The following NAALAD2 variants were observed in gnomAD, a reference collection of about 807,000 sequenced individuals.
NAALAD2 encodes N-acetylated alpha-linked acidic dipeptidase 2, also known as N-acetylated-alpha-linked acidic dipeptidase 2.
In NAALAD2, 89 loss-of-function variants were observed where a neutral mutation model predicts 95.6. The observed-to-expected ratio is 0.93, with a 90% confidence interval of 0.78 to 1.11. The LOEUF (loss-of-function observed/expected upper bound fraction) is 1.11, where lower values mean the gene tolerates loss of function less well. NAALAD2 is among the 50% of genes least tolerant of loss of function. The pLI, the probability that NAALAD2 is intolerant of heterozygous loss-of-function variation, is 0.00. For synonymous variants in NAALAD2, 264 were observed against 294.4 expected, an observed-to-expected ratio of 0.90 and a Z score of 1.06; for missense variants, 894 against 872.4, an observed-to-expected ratio of 1.02 and a Z score of -0.31.
chr11:90,186,378 A>C (rs1591031876), intron 18 of NAALAD2, among the ~76,000 whole-genome samples: 1 of 152,128 alleles, frequency 6.6e-6, no homozygotes, highest in African/African-American at 2.4e-5. Context: ...TTATGGCTGC[A>C]TAGTATTCCA....
At position 90,183,873 on chromosome 11, in the gene NAALAD2, T is replaced by C. The variant is rs577454744; in HGVS notation, c.2033+865T>C. ...ATATTTTCAGTTTATGATGGTTTTA[T>C]CAGAAAACAACTCATCTTTAAGTCA... On this transcript the variant is annotated intron_variant, in intron 18 of 18. Coordinates refer to ENST00000534061, the MANE Select transcript of NAALAD2 (RefSeq NM_005467.4). Among the ~76,000 whole-genome samples the C allele has an allele frequency of 1.9e-4, 29 of 152,290 alleles. No homozygotes were observed. In the South Asian group the frequency reaches 5.8e-3, roughly 30 times the overall value.
intron 13 of NAALAD2, among the ~76,000 whole-genome samples, chr11:90,171,469 A>C (rs1952633204): frequency 6.6e-6 from 1 of 152,204 alleles, no homozygotes; most frequent in Non-Finnish European, 1.5e-5. Flanking sequence ...CTGAAAAGAA[A>C]ATCTTTACTG....
Position 90,177,870 on chromosome 11 carries a change from CA to C in NAALAD2, c.1612del (p.Ser538AlafsTer15), listed in dbSNP as rs1565544399. On this transcript the variant is annotated frameshift_variant, in exon 16 of 19. Transcript: ENST00000534061. LOFTEE classifies it high-confidence loss of function. Reference protein sequence around the residue: ...TKNKKTDKYSSYPVYHTIYET... With the variant: ...TKNKKTDKYSXYPVYHTIYET... ...TTTTTCAGAAAACAGATAAGTACAG[CA>C]GCTACCCAGTGTACCACACAATTTA... 3.1e-6 allele frequency: 5 copies of C among 1,613,034 alleles called. No homozygotes were observed. Among genetic ancestry groups the C allele is most frequent in the Non-Finnish European group, 4.2e-6 (5 of 1,179,650 alleles).
chr11:90,163,702 T>G, intron 11 of NAALAD2, 85 bp downstream of exon 11: 2 of 1,184,160 alleles, frequency 1.7e-6, no homozygotes, highest in Non-Finnish European at 2.5e-6. Flanking sequence ...CAAAAATATA[T>G]TCCATTACCT....
At chr11:90,141,594 T>TTCTGTTTG (rs111312947) in intron 2 of NAALAD2, among the ~76,000 whole-genome samples, 3,159 of 151,208 alleles carry the variant, frequency 0.021, 101 homozygotes, top group African/African-American at 0.071. Context: ...TCTAAGAAGG[T>TTCTGTTTG]TTTGTTTGTT....
At chr11:90,136,873 C>T (rs528525912) in intron 2 of NAALAD2, among the ~76,000 whole-genome samples, 3 of 152,138 alleles carry the variant, frequency 2.0e-5, no homozygotes, top group Admixed American at 2.0e-4. Flanking sequence ...GCATTTCTAC[C>T]TCAAAATAAG....
In NAALAD2 at chr11:90,134,817, C is replaced by T; in HGVS notation, c.59C>T (p.Ser20Phe). 1 of 1,614,204 alleles carries T rather than the reference C, an allele frequency of 6.2e-7. No individual in the cohort carries two copies. Among genetic ancestry groups the T allele is most frequent in the Non-Finnish European group, 8.5e-7 (1 of 1,180,036 alleles). ...LWMCLAAALA[S>F]FLMGFMVGWF... ...ATGTGCTTGGCTGCTGCGCTGGCAT[C>T]TTTCCTGATGGGATTTATGGTGGGT... The change falls in exon 1 of 19, where the codon TCT becomes TTT. Residue 20 changes from serine to phenylalanine, a missense_variant. Physicochemically the swap from Ser to Phe is radical, Grantham distance 155 (BLOSUM62 -2). Coordinates refer to ENST00000534061, the MANE Select transcript of NAALAD2 (RefSeq NM_005467.4).
At chr11:90,182,822 AAT>A in intron 17 of NAALAD2, 92 bp from the exon 18 acceptor site, 1 of 842,932 alleles carries the variant, frequency 1.2e-6, no homozygotes, top group Non-Finnish European at 1.9e-6. Context: ...CAATTTTAGA[AAT>A]ATATTTTCCC....
intron 16 of NAALAD2, among the ~76,000 whole-genome samples, chr11:90,179,619 T>C (rs568241580): frequency 6.6e-6 from 1 of 152,138 alleles, no homozygotes; most frequent in Non-Finnish European, 1.5e-5. Flanking sequence ...TAAGGAGAGA[T>C]AAAACCAGAG....
chr11:90,147,414 T>C lies in NAALAD2; in HGVS notation c.279T>C (p.Phe93=), dbSNP rs2134854943. ...AAATCCAAACCCAGTGGAAGAAATT[T>C]GGACTAGATTCAGCCAAGTTGGTTC... ...AKKIQTQWKK[F]GLDSAKLVHY... Residue 93 remains phenylalanine, a synonymous_variant, in exon 3 of 19, where the codon TTT becomes TTC. Transcript: ENST00000534061. 10 of 1,614,094 alleles carry C rather than the reference T, an allele frequency of 6.2e-6. No individual in the cohort carries two copies. The highest frequency in any genetic ancestry group is 7.6e-6 in the Non-Finnish European group (9 of 1,179,974).
At chr11:90,135,702 A>G in intron 2 of NAALAD2, 32 bp downstream of exon 2, 1 of 1,557,196 alleles carries the variant, frequency 6.4e-7, no homozygotes, top group Non-Finnish European at 8.8e-7. Flanking sequence ...GATCTTAAAA[A>G]TCATGTTTAA....
At chr11:90,178,757 A>G (rs902678658) in intron 16 of NAALAD2, among the ~76,000 whole-genome samples, 2 of 152,210 alleles carry the variant, frequency 1.3e-5, no homozygotes, top group Non-Finnish European at 1.5e-5. Flanking sequence ...CACAAATACT[A>G]TTACATACGT....
At chr11:90,179,924 A>G (rs1196624766) in intron 16 of NAALAD2, among the ~76,000 whole-genome samples, 1 of 152,080 alleles carries the variant, frequency 6.6e-6, no homozygotes, top group Non-Finnish European at 1.5e-5. Context: ...CATTAGATTA[A>G]TTATTCTTAT....
chr11:90,183,040 T>C, intron 18 of NAALAD2, 32 bp downstream of exon 18: 1 of 1,530,192 alleles, frequency 6.5e-7, no homozygotes, highest in Admixed American at 1.7e-5. Flanking sequence ...AATACATCAC[T>C]GTGACCAAAA....
chr11:90,175,445 ATATG>A (rs1405875050), intron 14 of NAALAD2, among the ~76,000 whole-genome samples: 1 of 152,236 alleles, frequency 6.6e-6, no homozygotes, highest in African/African-American at 2.4e-5. Flanking sequence ...ATATGCATAT[ATATG>A]TGATAGATCA....
At chr11:90,154,638 C>G (rs937181826) in intron 6 of NAALAD2, among the ~76,000 whole-genome samples, 2 of 151,336 alleles carry the variant, frequency 1.3e-5, no homozygotes, top group African/African-American at 4.8e-5. Flanking sequence ...ATGCTGGCCT[C>G]TTAGCATGAG....
chr11:90,140,877 ATT>A (rs931424432), intron 2 of NAALAD2, among the ~76,000 whole-genome samples: 25 of 152,014 alleles, frequency 1.6e-4, no homozygotes, highest in African/African-American at 5.8e-4. Context: ...ATTTTGAGTT[ATT>A]TTGTGCATAA....
intron 6 of NAALAD2, among the ~76,000 whole-genome samples, chr11:90,155,683 ACATAC>A (rs1952083207): frequency 2.4e-5 from 1 of 42,132 alleles, no homozygotes; most frequent in Admixed American, 3.2e-4. Context: ...TGTATGTAAT[ACATAC>A]ATACATATGT....
chr11:90,135,151 G>A (rs922522208), intron 1 of NAALAD2: 40 of 342,836 alleles, frequency 1.2e-4, no homozygotes, highest in African/African-American at 7.1e-4. Context: ...ACATTAGTGA[G>A]TCAAAACTTT....
Sources: allele counts gnomAD v4.1 joint callset (sites outside exome capture counted in the v4.1 genomes callset), GRCh38; gene constraint gnomAD v4.1.1; transcripts MANE v1.5; gene names NCBI Gene and HGNC (gene_info 2026-07-23, HGNC 2026-07-21).